Variants in UBE3C observed in about 807,000 individuals in gnomAD.
UBE3C encodes ubiquitin-protein ligase E3C.
A neutral mutation model predicts 129.4 loss-of-function variants in UBE3C; 42 were observed. That is an observed-to-expected ratio of 0.32 (90% CI 0.25 to 0.42). The LOEUF (loss-of-function observed/expected upper bound fraction) is 0.42. UBE3C is among the 10% of genes least tolerant of loss of function. The probability of loss-of-function intolerance (pLI) is 1.00; values close to 1 mark genes in which losing one functional copy is unlikely to be tolerated. For missense variants in UBE3C, 1,049 were observed against 1,319.1 expected, an observed-to-expected ratio of 0.80 and a Z score of 3.17; for synonymous variants, 510 against 492.4, an observed-to-expected ratio of 1.04 and a Z score of -0.47.
chr7:157,182,989 C>T (rs1404609275), intron 8 of UBE3C, among the ~76,000 whole-genome samples: 1 of 152,134 alleles, frequency 6.6e-6, no homozygotes, highest in African/African-American at 2.4e-5. Context: ...CCTCGTGATC[C>T]ACCCGCCTCG....
At chr7:157,194,720 G>A (rs1448541666) in intron 10 of UBE3C, among the ~76,000 whole-genome samples, 1 of 152,154 alleles carries the variant, frequency 6.6e-6, no homozygotes, top group Non-Finnish European at 1.5e-5. Context: ...TAGAAAATGA[G>A]GAATATGTTA....
intron 13 of UBE3C, among the ~76,000 whole-genome samples, chr7:157,216,339 TC>T (rs1795568199): frequency 6.7e-6 from 1 of 149,834 alleles, no homozygotes; most frequent in South Asian, 2.1e-4. Flanking sequence ...CTAAGACATT[TC>T]CAGATTCGTG....
At chr7:157,179,922 G>T (rs1808624559) in intron 6 of UBE3C, among the ~76,000 whole-genome samples, 1 of 152,222 alleles carries the variant, frequency 6.6e-6, no homozygotes, top group Admixed American at 6.5e-5. Context: ...ACTGAAAGTT[G>T]TGGAATTTGA....
chr7:157,178,794 C>G lies in UBE3C; in HGVS notation c.563C>G (p.Ala188Gly). The G allele has an allele frequency of 6.2e-7, 1 of 1,614,156 alleles. No homozygotes were observed. Among genetic ancestry groups the G allele is most frequent in the South Asian group, 1.1e-5 (1 of 91,080 alleles). Residue 188 changes from alanine (A) to glycine (G), a missense_variant, in exon 6 of 23, where the codon GCT becomes GGT. By Grantham distance (60) the Ala-to-Gly change is moderately conservative. Coordinates refer to ENST00000348165, the MANE Select transcript of UBE3C (RefSeq NM_014671.3). Reference sequence around the variant, plus strand: ...ACTTACTTGCCTGTTTTACAAGATGCTAGCTATGTGGTGTCAGTGATTGAA... The same window carrying G: ...ACTTACTTGCCTGTTTTACAAGATGGTAGCTATGTGGTGTCAGTGATTGAA... ...ENTYLPVLQD[A>G]SYVVSVIEQI...
intron 15 of UBE3C, 87 bp downstream of exon 15, chr7:157,220,863 A>C: frequency 7.0e-7 from 1 of 1,432,370 alleles, no homozygotes; most frequent in Non-Finnish European, 9.5e-7. Flanking sequence ...GTTATTTTTC[A>C]TAAACTTATA....
chr7:157,216,960 A>G lies in UBE3C; in HGVS notation c.1903A>G (p.Lys635Glu), dbSNP rs1163725258. ...NHWLSEQEDIKADKVTQLYVP... is the reference protein window; with the variant it reads ...NHWLSEQEDIEADKVTQLYVP... ...CTGGCTGTCAGAACAAGAAGATATT[A>G]AAGCAGATAAGGTGTTATTGAAAGA... Residue 635 changes from lysine (K) to glutamate (E), a missense_variant, in exon 14 of 23, where the codon AAA (lysine) becomes GAA (glutamate). Lys to Glu is a moderately conservative substitution (Grantham distance 56). Coordinates refer to ENST00000348165, the MANE Select transcript of UBE3C (RefSeq NM_014671.3). 6.2e-7 allele frequency: 1 copy of G among 1,613,166 alleles called. No individual in the cohort carries two copies. Among genetic ancestry groups the G allele is most frequent in the Non-Finnish European group, 8.5e-7 (1 of 1,179,164 alleles).
Position 157,184,229 on chromosome 7 carries a change from G to C in UBE3C, c.1143+200G>C, listed in dbSNP as rs1808748959. Reference sequence around the variant, plus strand: ...CCGCTTTGTTAGCACGTTCATGGAAGTGTAAATGGAGACACATAGCTTTGT... The same window carrying C: ...CCGCTTTGTTAGCACGTTCATGGAACTGTAAATGGAGACACATAGCTTTGT... On this transcript the variant is annotated intron_variant, in intron 9 of 22. Transcript: ENST00000348165. 2.0e-5 allele frequency among the ~76,000 whole-genome samples: 3 copies of C among 152,212 alleles called. No individual in the cohort carries two copies. In the South Asian group the frequency reaches 6.2e-4, roughly 31 times the overall value.
intron 18 of UBE3C, among the ~76,000 whole-genome samples, chr7:157,245,367 C>A (rs1796446255): frequency 6.6e-6 from 1 of 152,202 alleles, no homozygotes; most frequent in Non-Finnish European, 1.5e-5. Context: ...GAGGGCTTTT[C>A]TTCAGCACCT....
intron 14 of UBE3C, among the ~76,000 whole-genome samples, chr7:157,220,023 C>A (rs1795694599): frequency 6.6e-6 from 1 of 152,090 alleles, no homozygotes; most frequent in Admixed American, 6.5e-5. Context: ...CCAGTCTGGG[C>A]AAGATAGCAA....
chr7:157,224,188 T>A (rs1195315473), intron 16 of UBE3C, among the ~76,000 whole-genome samples: 1 of 151,970 alleles, frequency 6.6e-6, no homozygotes, highest in Non-Finnish European at 1.5e-5. Flanking sequence ...AACACTACTT[T>A]ATTTTTTTTG....
At chr7:157,207,121 C>T (rs963786108) in intron 11 of UBE3C, among the ~76,000 whole-genome samples, 3 of 151,970 alleles carry the variant, frequency 2.0e-5, no homozygotes, top group Non-Finnish European at 2.9e-5. Flanking sequence ...AGTCTGGGAA[C>T]GACTGGCTTA....
At chr7:157,261,026 G>T (rs1232440505) in intron 22 of UBE3C, among the ~76,000 whole-genome samples, 1 of 152,142 alleles carries the variant, frequency 6.6e-6, no homozygotes, top group East Asian at 1.9e-4. Flanking sequence ...AGACTGGCCA[G>T]GTGCGGTGGC....
At chr7:157,149,125 C>T (rs977086883) in intron 1 of UBE3C, among the ~76,000 whole-genome samples, 7 of 152,116 alleles carry the variant, frequency 4.6e-5, no homozygotes, top group African/African-American at 1.7e-4. Context: ...GGCTCAATCT[C>T]GGCTCACTGC....
chr7:157,216,908 G>A lies in UBE3C; in HGVS notation c.1851G>A (p.Thr617=), dbSNP rs777222555. The A allele has an allele frequency of 6.2e-6, 10 of 1,613,952 alleles. No individual in the cohort carries two copies. The highest frequency in any genetic ancestry group is 1.7e-5 in the Admixed American group (1 of 59,976). Residue 617 remains threonine, a synonymous_variant, in exon 14 of 23, where the codon ACG becomes ACA. Transcript: ENST00000348165. Reference sequence around the variant, plus strand: ...TGAAAATGTTGAAGTCCAGAGACACGAGGAGAAATTTTTGTCCTCCAAACC... The same window carrying A: ...TGAAAATGTTGAAGTCCAGAGACACAAGGAGAAATTTTTGTCCTCCAAACC... ...NLVKMLKSRD[T]RRNFCPPNHW...
At chr7:157,152,142 G>T (rs1807772673) in intron 1 of UBE3C, among the ~76,000 whole-genome samples, 1 of 152,144 alleles carries the variant, frequency 6.6e-6, no homozygotes, top group African/African-American at 2.4e-5. Flanking sequence ...TGGCCAGAAT[G>T]GGGGTGGGCA....
chr7:157,171,903 C>G (rs1253641322), intron 4 of UBE3C, among the ~76,000 whole-genome samples: 4 of 150,442 alleles, frequency 2.7e-5, no homozygotes, highest in Non-Finnish European at 5.9e-5. Flanking sequence ...GATGGGATGT[C>G]GCCATGTTGG....
intron 18 of UBE3C, among the ~76,000 whole-genome samples, chr7:157,248,047 G>C (rs1281136079): frequency 2.0e-5 from 3 of 152,178 alleles, no homozygotes; most frequent in Non-Finnish European, 2.9e-5. Flanking sequence ...GTTCCTGAAG[G>C]ATTCACCATC....
chr7:157,201,710 T>C lies in UBE3C; in HGVS notation c.1332-11T>C, dbSNP rs373465870. On this transcript the variant is annotated splice_polypyrimidine_tract_variant and intron_variant, in intron 10 of 22. Coordinates refer to ENST00000348165, the MANE Select transcript of UBE3C (RefSeq NM_014671.3). ...TTTACTGTTCTGTGTTTTTCTCCTA[T>C]TCCTTTTTAGGCTTCTCTACAGTTT... 6 of 1,570,058 alleles carry C rather than the reference T, an allele frequency of 3.8e-6. No homozygotes were observed. In the African/African-American group the frequency reaches 5.5e-5, roughly 14 times the overall value.
chr7:157,224,258 G>A (rs753411976), intron 16 of UBE3C, among the ~76,000 whole-genome samples: 5 of 151,908 alleles, frequency 3.3e-5, no homozygotes, highest in African/African-American at 4.8e-5. Context: ...GCAGAGGCGC[G>A]ATCTTGGCTC....
Sources: allele counts gnomAD v4.1 joint callset (sites outside exome capture counted in the v4.1 genomes callset), GRCh38; gene constraint gnomAD v4.1.1; transcripts MANE v1.5; gene names NCBI Gene and HGNC (gene_info 2026-07-23, HGNC 2026-07-21).